Variants in ZC3H7B observed in about 807,000 individuals in gnomAD.
ZC3H7B encodes zinc finger CCCH domain-containing protein 7B.
ZC3H7B carries 35 observed loss-of-function variants against 116.0 expected under a neutral mutation model. The ratio of observed to expected loss-of-function variants is 0.30; its 90% confidence interval spans 0.23 to 0.40. The LOEUF (loss-of-function observed/expected upper bound fraction) is 0.40. ZC3H7B is among the 10% of genes least tolerant of loss of function. The pLI, the probability that ZC3H7B is intolerant of heterozygous loss-of-function variation, is 1.00. For missense variants in ZC3H7B, 1,011 were observed against 1,321.5 expected, an observed-to-expected ratio of 0.77 and a Z score of 3.64; for synonymous variants, 502 against 545.6, an observed-to-expected ratio of 0.92 and a Z score of 1.11.
chr22:41,331,479 C>T (rs1406672020), intron 6 of ZC3H7B, among the ~76,000 whole-genome samples: 1 of 147,922 alleles, frequency 6.8e-6, no homozygotes, highest in Non-Finnish European at 1.5e-5. Context: ...GGTGTGAACC[C>T]AGGAGGCGGG....
chr22:41,332,287 C>T (rs2036393506), intron 7 of ZC3H7B, 60 bp downstream of exon 7: 2 of 1,600,052 alleles, frequency 1.2e-6, no homozygotes, highest in Non-Finnish European at 1.7e-6. Context: ...TTTGGATTCA[C>T]TCTCTCCGGG....
At chr22:41,337,009 G>A (rs913267035) in intron 7 of ZC3H7B, among the ~76,000 whole-genome samples, 7 of 152,026 alleles carry the variant, frequency 4.6e-5, no homozygotes, top group Non-Finnish European at 1.0e-4. Flanking sequence ...GGTGGCGCAT[G>A]CCTGTAATCC....
intron 7 of ZC3H7B, chr22:41,333,678 A>G (rs1269411921): frequency 1.3e-5 from 2 of 152,196 alleles, no homozygotes; most frequent in Non-Finnish European, 2.9e-5. Context: ...CCAACGAGAA[A>G]ACATTAAATG....
chr22:41,327,244 G>A lies in ZC3H7B; in HGVS notation c.324G>A (p.Ala108=), dbSNP rs141003523. 2.3e-4 allele frequency: 365 copies of A among 1,614,054 alleles called. No homozygotes were observed. The highest frequency in any genetic ancestry group is 9.7e-4 in the Admixed American group (58 of 60,026). ...AGGCGCTGGAGGACAGCGAGAAGGCGCTGGGCCTGGACAGTGAGAGTATCC... is the reference window on the plus strand; with the variant it reads ...AGGCGCTGGAGGACAGCGAGAAGGCACTGGGCCTGGACAGTGAGAGTATCC... The part of the protein sequence containing the change: ...YEKALEDSEK[A]LGLDSESIRA... The change falls in exon 5 of 23, where the codon GCG becomes GCA. Residue 108 remains alanine, a synonymous_variant. Transcript: ENST00000352645. This position sits in a 1 kb window ranked among gnomAD's most constrained non-coding sequence, Gnocchi z 4.5.
At chr22:41,307,087 C>T (rs571508078) in intron 1 of ZC3H7B, among the ~76,000 whole-genome samples, 1 of 151,738 alleles carries the variant, frequency 6.6e-6, no homozygotes, top group Non-Finnish European at 1.5e-5. Flanking sequence ...AATTCTCCTG[C>T]CTCAGCCTCC....
chr22:41,357,131 TGGGAA>T lies in ZC3H7B; in HGVS notation c.2682-42_2682-38del. ...CCGGCCCCAGATGGACAGCCTGGGG[TGGGAA>T]GGGCACAGAGCTCGGGCAGTGAGCC... On this transcript the variant is annotated intron_variant, in intron 22 of 22. Transcript: ENST00000352645. This position sits in a 1 kb window ranked among gnomAD's most constrained non-coding sequence, Gnocchi z 5.4. 6.3e-7 allele frequency: 1 copy of T among 1,594,598 alleles called. No homozygotes were observed.
rs746411095 is a variant in ZC3H7B at position 41,351,628 on chromosome 22, G to A, written c.2016G>A (p.Gly672=). 1 of 1,613,966 alleles carries A rather than the reference G, an allele frequency of 6.2e-7. No homozygotes were observed. The highest frequency in any genetic ancestry group is 8.5e-7 in the Non-Finnish European group (1 of 1,179,946). ...KYWQQMEAHA[G]KASSSMGAPR... Reference sequence around the variant, plus strand: ...GGCAGCAGATGGAGGCGCATGCGGGGAAGGCCAGCAGCAGCATGGTAAGGC... The same window carrying A: ...GGCAGCAGATGGAGGCGCATGCGGGAAAGGCCAGCAGCAGCATGGTAAGGC... Residue 672 remains glycine (G), a synonymous_variant, in exon 17 of 23, where the codon GGG becomes GGA. Transcript: ENST00000352645. The surrounding 1 kb of genome is among the most constrained non-coding windows in gnomAD (Gnocchi z 5.1).
chr22:41,310,397 G>T (rs543117003), intron 1 of ZC3H7B, among the ~76,000 whole-genome samples: 2 of 152,258 alleles, frequency 1.3e-5, no homozygotes, highest in South Asian at 2.1e-4. Context: ...GGCTCAGGGA[G>T]GTGCCCTGAA....
In ZC3H7B at chr22:41,327,352, C is replaced by T. The variant is rs556902936; in HGVS notation, c.432C>T (p.Leu144=). The change falls in exon 5 of 23, where the codon CTC becomes CTT. Residue 144 remains leucine (L), a synonymous_variant. Coordinates refer to ENST00000352645, the MANE Select transcript of ZC3H7B (RefSeq NM_017590.6). The surrounding 1 kb of genome is among the most constrained non-coding windows in gnomAD (Gnocchi z 4.5). ...EAYECSSRCS[L]ALPHDESVTQ... ...ACGAGTGCAGCAGCCGGTGTTCCCT[C>T]GCCCTGCCCCACGTGAGTGTGGCTC... The T allele has an allele frequency of 4.3e-5, 70 of 1,611,274 alleles. 5 individuals are homozygous for T. In the South Asian group the frequency reaches 7.1e-4, roughly 16 times the overall value.
chr22:41,303,917 C>T (rs2036006835), intron 1 of ZC3H7B, among the ~76,000 whole-genome samples: 1 of 152,100 alleles, frequency 6.6e-6, no homozygotes, highest in Non-Finnish European at 1.5e-5. Flanking sequence ...GCCACTACGC[C>T]CAGCTAATTT....
rs1569227339 is a variant in ZC3H7B, at chr22:41,302,228, T to TTGTC, written c.-7+457_-7+460dup. On this transcript the variant is annotated intron_variant, in intron 1 of 22. Coordinates refer to ENST00000352645, the MANE Select transcript of ZC3H7B (RefSeq NM_017590.6). The surrounding 1 kb of genome is among the most constrained non-coding windows in gnomAD (Gnocchi z 5.7). ...TGGCAGGGCCCCCCTTCCTTTTGTGTTGTCCTTGGCCCCGCAGCACCCGGA... is the reference window on the plus strand; with the variant it reads ...TGGCAGGGCCCCCCTTCCTTTTGTGTTGTCTGTCCTTGGCCCCGCAGCACCCGGA... Among the ~76,000 whole-genome samples the TTGTC allele has an allele frequency of 6.6e-6, 1 of 151,714 alleles. No homozygotes were observed. The highest frequency in any genetic ancestry group is 2.4e-5 in the African/African-American group (1 of 41,338).
At position 41,359,436 on chromosome 22, in the gene ZC3H7B, C is replaced by G. The variant is rs777817520; in HGVS notation, c.*2007C>G. 4 of 151,434 alleles carry G rather than the reference C, an allele frequency of 2.6e-5. No homozygotes were observed. Among genetic ancestry groups the G allele is most frequent in the Non-Finnish European group, 5.9e-5 (4 of 68,032 alleles). The allele number at this position is 151,434 out of a possible 1,614,324, so 9.4% of individuals were successfully genotyped here. ...TAGGAGGGTTTCAGGGGCCACTGGA[C>G]TATTTGCAAGGTGACAGGGACTGGA... On this transcript the variant is annotated 3_prime_UTR_variant, in exon 23 of 23. Coordinates refer to ENST00000352645, the MANE Select transcript of ZC3H7B (RefSeq NM_017590.6).
At chr22:41,347,181 C>A (rs962012655) in intron 14 of ZC3H7B, among the ~76,000 whole-genome samples, 2 of 152,220 alleles carry the variant, frequency 1.3e-5, no homozygotes, top group Non-Finnish European at 2.9e-5. Context: ...GTGGTCCCCA[C>A]AGCCAAACCC....
At position 41,348,115 on chromosome 22, in the gene ZC3H7B, T is replaced by G; in HGVS notation, c.1714T>G (p.Ser572Ala). Reference protein sequence around the residue: ...PRIISKGTKDSPSVCSNLAAK... With the variant: ...PRIISKGTKDAPSVCSNLAAK... ...GATCATCAGCAAAGGCACCAAGGAC[T>G]CTCCGTCTGTCTGCTCCAACCTGGC... The change falls in exon 15 of 23, where the codon TCT becomes GCT. Residue 572 changes from serine to alanine, a missense_variant. Transcript: ENST00000352645. 1 of 1,613,984 alleles carries G rather than the reference T, an allele frequency of 6.2e-7. No homozygotes were observed. The highest frequency in any genetic ancestry group is 1.3e-5 in the African/African-American group (1 of 75,028).
At chr22:41,350,636 G>T (rs1330624323) in intron 16 of ZC3H7B, among the ~76,000 whole-genome samples, 2 of 152,160 alleles carry the variant, frequency 1.3e-5, no homozygotes, top group African/African-American at 4.8e-5. Flanking sequence ...AGGAAGAATG[G>T]GGCTACCATG....
intron 5 of ZC3H7B, among the ~76,000 whole-genome samples, chr22:41,328,946 G>C (rs2036348420): frequency 6.6e-6 from 1 of 151,430 alleles, no homozygotes; most frequent in South Asian, 2.1e-4. Context: ...CAACACTTTG[G>C]GAGGCCGAGG....
chr22:41,316,963 C>T (rs887315147), intron 1 of ZC3H7B, among the ~76,000 whole-genome samples: 1 of 152,134 alleles, frequency 6.6e-6, no homozygotes, highest in Non-Finnish European at 1.5e-5. Flanking sequence ...CTGTCTCAGC[C>T]TCCCGAGTAG....
chr22:41,317,186 G>A lies in ZC3H7B; in HGVS notation c.-6-3469G>A, dbSNP rs545553463. ...GTAGAGATGGGGTTTCACCATGTTG[G>A]CCAGGCTGGTCTCGAACTCCTGACC... On this transcript the variant is annotated intron_variant, in intron 1 of 22. Transcript: ENST00000352645. Among the ~76,000 whole-genome samples, 21 of 151,944 alleles carry A rather than the reference G, an allele frequency of 1.4e-4. No individual in the cohort carries two copies. The South Asian group carries it at 4.2e-3, about 30-fold the overall frequency.
At chr22:41,309,814 T>G (rs2036094595) in intron 1 of ZC3H7B, among the ~76,000 whole-genome samples, 1 of 152,142 alleles carries the variant, frequency 6.6e-6, no homozygotes, top group Admixed American at 6.6e-5. Context: ...TAAAAGTGCT[T>G]CATGGTTATT....
Sources: gnomAD v4.1 joint callset for allele counts (sites outside exome capture counted in the v4.1 genomes callset) on GRCh38, gnomAD v4.1.1 for gene constraint, Gnocchi (gnomAD v3.1) non-coding constraint, MANE v1.5 for transcripts, NCBI Gene and HGNC (gene_info 2026-07-23, HGNC 2026-07-21) for gene names.